Variants in ARB2A observed in about 807,000 individuals in gnomAD.
ARB2A encodes ARB2 cotranscriptional regulator A, also known as cotranscriptional regulator ARB2A.
the ARB2A span, among the ~76,000 whole-genome samples, chr5:93,804,092 T>G: frequency 1.3e-5 from 2 of 152,052 alleles, no homozygotes; most frequent in African/African-American, 4.8e-5. Context: ...TGGAAATATA[T>G]GTACACAGAC....
chr5:93,741,772 T>A, the ARB2A span: 1 of 524,278 alleles, frequency 1.9e-6, no homozygotes. Flanking sequence ...CCCTGACCTT[T>A]GCTTCCAACT....
chr5:93,964,046 G>C, the ARB2A span, among the ~76,000 whole-genome samples: 2 of 151,964 alleles, frequency 1.3e-5, no homozygotes, highest in Non-Finnish European at 2.9e-5. Context: ...AACATACTAT[G>C]TGTAGAAATA....
the ARB2A span, among the ~76,000 whole-genome samples, chr5:93,694,904 T>C: frequency 1.3e-5 from 2 of 152,122 alleles, no homozygotes; most frequent in Non-Finnish European, 2.9e-5. Context: ...AACCATCTGA[T>C]CTTTGACAAA....
the ARB2A span, among the ~76,000 whole-genome samples, chr5:94,097,870 A>G: frequency 7.3e-6 from 1 of 136,682 alleles, no homozygotes; most frequent in Non-Finnish European, 1.5e-5. Flanking sequence ...CCGCTGGTAC[A>G]CACACACACA....
At chr5:93,805,500 T>C in the ARB2A span, 2 of 985,140 alleles carry the variant, frequency 2.0e-6, no homozygotes, top group East Asian at 1.1e-4. Context: ...GAAGGTGTTC[T>C]TCCAGTGTAA....
the ARB2A span, among the ~76,000 whole-genome samples, chr5:94,038,735 C>A: frequency 1.3e-5 from 2 of 150,792 alleles, no homozygotes; most frequent in Non-Finnish European, 3.0e-5. Flanking sequence ...TAAACATAAA[C>A]TAAAACAACA....
At chr5:93,866,086 G>C in the ARB2A span, 1 of 984,344 alleles carries the variant, frequency 1.0e-6, no homozygotes, top group South Asian at 4.7e-5. Context: ...ATTCAGAGAT[G>C]TTAAAATGTG....
At chr5:93,835,705 A>T in the ARB2A span, among the ~76,000 whole-genome samples, 1 of 152,176 alleles carries the variant, frequency 6.6e-6, no homozygotes, top group African/African-American at 2.4e-5. Context: ...ACGTCATATA[A>T]ATATGTATAT....
the ARB2A span, among the ~76,000 whole-genome samples, chr5:93,918,406 A>G: frequency 0.012 from 1,752 of 151,742 alleles, 39 homozygotes; most frequent in African/African-American, 0.04. Context: ...GGGAAAGACT[A>G]AATATTAGGT....
At chr5:93,762,789 A>G in the ARB2A span, among the ~76,000 whole-genome samples, 3 of 152,226 alleles carry the variant, frequency 2.0e-5, no homozygotes, top group African/African-American at 4.8e-5. Flanking sequence ...AAATGTTAAG[A>G]GCAGCCAGAG....
the ARB2A span, among the ~76,000 whole-genome samples, chr5:93,774,936 G>A: frequency 7.2e-5 from 11 of 152,266 alleles, no homozygotes; most frequent in East Asian, 2.1e-3. Context: ...TGCTAATTCA[G>A]TGTTTTCAGT....
the ARB2A span, among the ~76,000 whole-genome samples, chr5:93,760,437 T>A: frequency 1.3e-5 from 2 of 152,120 alleles, no homozygotes; most frequent in African/African-American, 4.8e-5. Flanking sequence ...AGAACCTGCA[T>A]AGCCAAAGCA....
At chr5:93,652,948 GTC>G in the ARB2A span, among the ~76,000 whole-genome samples, 1 of 152,186 alleles carries the variant, frequency 6.6e-6, no homozygotes, top group Non-Finnish European at 1.5e-5. Flanking sequence ...TGTTGCTTAT[GTC>G]CCATTTCTCA....
At chr5:94,084,635 A>C in the ARB2A span, among the ~76,000 whole-genome samples, 1,462 of 152,332 alleles carry the variant, frequency 9.6e-3, 60 homozygotes, top group East Asian at 0.12. Context: ...GCCAGGTTTC[A>C]CAGTAATTAA....
chr5:93,932,910 A>G, the ARB2A span, among the ~76,000 whole-genome samples: 2 of 152,236 alleles, frequency 1.3e-5, no homozygotes, highest in Non-Finnish European at 2.9e-5. Context: ...CATCTGACAA[A>G]GGGCTAATAT....
the ARB2A span, among the ~76,000 whole-genome samples, chr5:94,061,972 T>C: frequency 6.6e-6 from 1 of 152,128 alleles, no homozygotes; most frequent in Non-Finnish European, 1.5e-5. Context: ...TGATCTAGAA[T>C]AGCTAAACAA....
At chr5:93,918,659 C>A in the ARB2A span, among the ~76,000 whole-genome samples, 1 of 151,992 alleles carries the variant, frequency 6.6e-6, no homozygotes, top group South Asian at 2.1e-4. Flanking sequence ...TGACCTTGGG[C>A]GATCTGCCCG....
At chr5:93,971,340 G>C in the ARB2A span, among the ~76,000 whole-genome samples, 1 of 152,112 alleles carries the variant, frequency 6.6e-6, no homozygotes, top group African/African-American at 2.4e-5. Flanking sequence ...GGCCGAGGCA[G>C]GTGGATCACC....
At chr5:93,928,152 C>T in the ARB2A span, among the ~76,000 whole-genome samples, 8 of 152,242 alleles carry the variant, frequency 5.3e-5, no homozygotes, top group East Asian at 1.2e-3. Context: ...GGAAGAACTG[C>T]TGAGGTTGGT....
Sources: allele counts gnomAD v4.1 joint callset (sites outside exome capture counted in the v4.1 genomes callset), GRCh38; gene constraint gnomAD v4.1.1; transcripts MANE v1.5; gene names NCBI Gene and HGNC (gene_info 2026-07-23, HGNC 2026-07-21).